The following KCNC2 variants were observed in gnomAD, a reference collection of about 807,000 sequenced individuals.
The protein encoded by KCNC2 is voltage-gated potassium channel KCNC2.
A neutral mutation model predicts 44.5 loss-of-function variants in KCNC2; 21 were observed. That is an observed-to-expected ratio of 0.47 (90% CI 0.33 to 0.68). KCNC2 has a LOEUF of 0.68. Among genes scored for constraint, KCNC2 ranks in the 30% least tolerant of loss-of-function variants. The probability of loss-of-function intolerance (pLI) is 0.01; values close to 1 mark genes in which losing one functional copy is unlikely to be tolerated. For synonymous variants in KCNC2, 391 were observed against 339.1 expected (o/e 1.15, Z -1.68); for missense variants, 589 against 826.2 (o/e 0.71, Z 3.52).
chr12:75,174,144 T>A (rs2137598225), intron 2 of KCNC2, among the ~76,000 whole-genome samples: 1 of 151,916 alleles, frequency 6.6e-6, no homozygotes, highest in East Asian at 1.9e-4. Flanking sequence ...ACTTTTTTTT[T>A]TCAAACTGGC....
intron 2 of KCNC2, among the ~76,000 whole-genome samples, chr12:75,201,949 TC>T (rs1373234719): frequency 6.6e-6 from 1 of 151,912 alleles, no homozygotes; most frequent in Non-Finnish European, 1.5e-5. Context: ...TTCTAAAGGT[TC>T]CCACAATAAA....
intron 2 of KCNC2, among the ~76,000 whole-genome samples, chr12:75,081,580 A>C (rs1395957691): frequency 6.6e-6 from 1 of 152,030 alleles, no homozygotes; most frequent in East Asian, 1.9e-4. Flanking sequence ...AGTTTGCTAA[A>C]TATTTTATCA....
chr12:75,155,095 C>T (rs931578544), intron 2 of KCNC2, among the ~76,000 whole-genome samples: 3 of 148,734 alleles, frequency 2.0e-5, no homozygotes, highest in African/African-American at 7.5e-5. Context: ...ATTATAGATT[C>T]AATCTTGTCT....
intron 2 of KCNC2, among the ~76,000 whole-genome samples, chr12:75,072,103 T>C (rs988850798): frequency 5.3e-5 from 8 of 152,148 alleles, no homozygotes; most frequent in Admixed American, 5.2e-4. Flanking sequence ...GTAATTATGC[T>C]GACATAGAAT....
chr12:75,089,938 C>T (rs760496905), intron 2 of KCNC2, among the ~76,000 whole-genome samples: 9 of 151,826 alleles, frequency 5.9e-5, no homozygotes, highest in Non-Finnish European at 1.3e-4. Flanking sequence ...TTCTACTGGA[C>T]AGCCTTGAAC....
intron 2 of KCNC2, among the ~76,000 whole-genome samples, chr12:75,071,575 A>C (rs1883404940): frequency 6.6e-6 from 1 of 152,182 alleles, no homozygotes; most frequent in Non-Finnish European, 1.5e-5. Context: ...CACCCAATAA[A>C]ATTTTTCTGA....
intron 2 of KCNC2, among the ~76,000 whole-genome samples, chr12:75,063,087 G>A (rs1181982709): frequency 6.6e-6 from 1 of 151,864 alleles, no homozygotes; most frequent in South Asian, 2.1e-4. Flanking sequence ...CAACCATTAG[G>A]CAAGAGCCAG....
intron 2 of KCNC2, among the ~76,000 whole-genome samples, chr12:75,140,658 C>A (rs1889582949): frequency 6.7e-6 from 1 of 149,804 alleles, no homozygotes; most frequent in Non-Finnish European, 1.5e-5. Context: ...ATGGAAAAAC[C>A]AAAACGCAGG....
intron 2 of KCNC2, among the ~76,000 whole-genome samples, chr12:75,119,824 G>A (rs1378116160): frequency 1.3e-5 from 2 of 152,134 alleles, no homozygotes; most frequent in Admixed American, 1.3e-4. Flanking sequence ...TAAGCAAAAA[G>A]TTTAGTGTAA....
chr12:75,177,439 A>G (rs1031651925), intron 2 of KCNC2, among the ~76,000 whole-genome samples: 1 of 151,962 alleles, frequency 6.6e-6, no homozygotes, highest in African/African-American at 2.4e-5. Context: ...AGATGCTTTC[A>G]GCCACAATAA....
rs571231664 is a variant in KCNC2 at position 75,165,307 on chromosome 12, G to C, written c.687+41990C>G. Among the ~76,000 whole-genome samples, 29 of 151,604 alleles carry C rather than the reference G, an allele frequency of 1.9e-4. 1 individual carries two copies. The South Asian group carries it at 5.8e-3, about 30-fold the overall frequency. On this transcript the variant is annotated intron_variant, in intron 2 of 4. Coordinates refer to ENST00000549446, the MANE Select transcript of KCNC2 (RefSeq NM_139137.4). The stretch of plus-strand genomic sequence containing the variant: ...GTAAACAGACTGTATAGACTAAATA[G>C]AGTGGACTTTTTAATCATACACTTA...
intron 2 of KCNC2, among the ~76,000 whole-genome samples, chr12:75,117,494 A>T (rs11180371): frequency 0.15 from 22,540 of 152,208 alleles, 1,966 homozygotes; most frequent in Middle Eastern, 0.27. Context: ...TATAGTCAAA[A>T]GCTATTTTTC....
At chr12:75,191,471 C>T (rs1220619126) in intron 2 of KCNC2, among the ~76,000 whole-genome samples, 2 of 145,794 alleles carry the variant, frequency 1.4e-5, no homozygotes, top group Non-Finnish European at 3.0e-5. Flanking sequence ...CATCTTAAAA[C>T]CACAAATTCA....
At chr12:75,168,519 C>T (rs1211157991) in intron 2 of KCNC2, among the ~76,000 whole-genome samples, 1 of 151,134 alleles carries the variant, frequency 6.6e-6, no homozygotes, top group African/African-American at 2.4e-5. Context: ...TTTCTATATG[C>T]CAATAAATTT....
chr12:75,110,999 A>C (rs989255847), intron 2 of KCNC2, among the ~76,000 whole-genome samples: 11 of 152,100 alleles, frequency 7.2e-5, no homozygotes, highest in Non-Finnish European at 1.6e-4. Flanking sequence ...GACTATATAC[A>C]ATTTTATGGA....
At chr12:75,128,139 A>AT (rs1248303328) in intron 2 of KCNC2, among the ~76,000 whole-genome samples, 1 of 152,182 alleles carries the variant, frequency 6.6e-6, no homozygotes, top group Non-Finnish European at 1.5e-5. Context: ...AGAAGTAGAA[A>AT]TATATTCAAC....
intron 2 of KCNC2, among the ~76,000 whole-genome samples, chr12:75,163,069 A>G (rs1233597584): frequency 6.6e-6 from 1 of 151,704 alleles, no homozygotes; most frequent in Non-Finnish European, 1.5e-5. Flanking sequence ...TATTTGCTTC[A>G]GGGGAAGATG....
intron 4 of KCNC2, among the ~76,000 whole-genome samples, chr12:75,045,527 G>C (rs947217042): frequency 4.0e-5 from 6 of 151,690 alleles, no homozygotes; most frequent in Admixed American, 3.9e-4. Flanking sequence ...TAGAAAATTT[G>C]ATAAAATGTT....
chr12:75,204,860 T>G (rs2031563138), intron 2 of KCNC2, among the ~76,000 whole-genome samples: 1 of 152,098 alleles, frequency 6.6e-6, no homozygotes, highest in Non-Finnish European at 1.5e-5. Context: ...GGGATTTCCC[T>G]GAAGACAAGA....
Sources: gnomAD v4.1 joint callset for allele counts (sites outside exome capture counted in the v4.1 genomes callset) on GRCh38, gnomAD v4.1.1 for gene constraint, MANE v1.5 for transcripts, NCBI Gene and HGNC (gene_info 2026-07-23, HGNC 2026-07-21) for gene names.